The following MOB1B variants were observed in gnomAD, a reference collection of about 807,000 sequenced individuals.
MOB1B encodes the protein MOB1 Mps One Binder homolog B.
In MOB1B, 19 loss-of-function variants were observed where a neutral mutation model predicts 24.4. The ratio of observed to expected loss-of-function variants is 0.78; its 90% CI spans 0.54 to 1.14. The LOEUF (loss-of-function observed/expected upper bound fraction) is 1.14. MOB1B is among the 50% of genes most tolerant of loss of function. The pLI is 0.00. For synonymous variants in MOB1B, 76 were observed against 82.1 expected (o/e 0.93, Z 0.40); for missense variants, 243 against 259.6 (o/e 0.94, Z 0.44).
At chr4:70,935,953 G>A (rs1198243498) in intron 1 of MOB1B, among the ~76,000 whole-genome samples, 4 of 147,170 alleles carry the variant, frequency 2.7e-5, no homozygotes, top group African/African-American at 7.5e-5. Context: ...CCGGGTTCAC[G>A]CCATTCTCCT....
rs1578390471 is a variant in MOB1B at position 70,960,530 on chromosome 4, T to C, written c.181+1490T>C. 3.9e-5 allele frequency among the ~76,000 whole-genome samples: 6 copies of C among 152,322 alleles called. No homozygotes were observed. The East Asian group carries it at 1.2e-3, about 29-fold the overall frequency. On this transcript the variant is annotated intron_variant, in intron 2 of 5. Coordinates refer to ENST00000309395, the MANE Select transcript of MOB1B (RefSeq NM_173468.4). ...TCTTATTATAATTTGAACTATGTCATGGGATTTATAAATTGAGCTGCCCCC... is the reference window on the plus strand; with the variant it reads ...TCTTATTATAATTTGAACTATGTCACGGGATTTATAAATTGAGCTGCCCCC...
At position 70,982,098 on chromosome 4, in the gene MOB1B, G is replaced by C. The variant is rs370437725; in HGVS notation, c.*41G>C. 3.5e-6 allele frequency: 5 copies of C among 1,414,882 alleles called. No individual in the cohort carries two copies. In the African/African-American group the frequency reaches 4.2e-5, roughly 12 times the overall value. 87.6% of individuals were successfully genotyped at this position (1,414,882 alleles called of 1,614,324 possible). A position where few individuals can be genotyped will look rare whatever the true frequency, so the allele number is the denominator to read the frequency against. ...TGCAAATTGTTCCTCAAATGAAGCAGTGTGGAGTGTATTGGGGATTTTGTT... is the reference window on the plus strand; with the variant it reads ...TGCAAATTGTTCCTCAAATGAAGCACTGTGGAGTGTATTGGGGATTTTGTT... On this transcript the variant is annotated 3_prime_UTR_variant, in exon 6 of 6. Transcript: ENST00000309395.
chr4:70,907,583 C>T (rs1415462514), intron 1 of MOB1B, among the ~76,000 whole-genome samples: 1 of 152,154 alleles, frequency 6.6e-6, no homozygotes, highest in Non-Finnish European at 1.5e-5. Context: ...ATAACCCCAG[C>T]ACTTTGGGAG....
rs1191566720 is a variant in MOB1B, at chr4:70,946,061, G to A, written c.15-12813G>A. 2.0e-5 allele frequency among the ~76,000 whole-genome samples: 3 copies of A among 146,356 alleles called. No homozygotes were observed. In the East Asian group the frequency reaches 5.9e-4, roughly 29 times the overall value. ...AATGTCTTTTGCAGGCAAATGCTTT[G>A]GCTAAGCTGGTTTTTGTTTGTTCTT... On this transcript the variant is annotated intron_variant, in intron 1 of 5. Transcript: ENST00000309395.
intron 1 of MOB1B, among the ~76,000 whole-genome samples, chr4:70,932,454 A>G (rs999760438): frequency 1.3e-5 from 2 of 152,176 alleles, no homozygotes; most frequent in Non-Finnish European, 2.9e-5. Context: ...AAATAATAAT[A>G]GTAAATGGGT....
At chr4:70,945,028 T>C (rs1737522055) in intron 1 of MOB1B, among the ~76,000 whole-genome samples, 2 of 152,202 alleles carry the variant, frequency 1.3e-5, no homozygotes, top group African/African-American at 2.4e-5. Context: ...GGAGCTCATA[T>C]CTAGATGTCC....
In MOB1B at chr4:70,969,948, C is replaced by T; in HGVS notation, c.199C>T (p.Gln67Ter). ...CTTTACAGCTGTGGATTTCTTCAAT[C>T]AGATCAACATGCTTTATGGAACTAT... ...VAVNTVDFFNQINMLYGTITD... is the reference protein window; with the variant it reads ...VAVNTVDFFN The change falls in exon 3 of 6, where the codon CAG becomes TAG. Residue 67 changes from glutamine (Q) to a stop codon, truncating the protein, a stop_gained. Coordinates refer to ENST00000309395, the MANE Select transcript of MOB1B (RefSeq NM_173468.4). LOFTEE classifies it high-confidence loss of function. The T allele has an allele frequency of 6.3e-7, 1 of 1,599,496 alleles. No homozygotes were observed. The highest frequency in any genetic ancestry group is 8.5e-7 in the Non-Finnish European group (1 of 1,170,674).
At chr4:70,928,165 A>G (rs1736727975) in intron 1 of MOB1B, among the ~76,000 whole-genome samples, 1 of 151,966 alleles carries the variant, frequency 6.6e-6, no homozygotes, top group Admixed American at 6.6e-5. Context: ...TACTCCACCC[A>G]CTGTCATGTG....
At chr4:70,914,815 G>T (rs192076174) in intron 1 of MOB1B, among the ~76,000 whole-genome samples, 1 of 152,270 alleles carries the variant, frequency 6.6e-6, no homozygotes, top group African/African-American at 2.4e-5. Context: ...CTCTGGCCTG[G>T]GCCCAAGCTG....
At chr4:70,972,297 T>A (rs1246201918) in intron 3 of MOB1B, among the ~76,000 whole-genome samples, 1 of 152,130 alleles carries the variant, frequency 6.6e-6, no homozygotes, top group African/African-American at 2.4e-5. Flanking sequence ...TACTGCAACC[T>A]CTGCATCCTA....
intron 1 of MOB1B, among the ~76,000 whole-genome samples, chr4:70,941,364 C>T (rs571152119): frequency 3.9e-5 from 6 of 152,180 alleles, no homozygotes; most frequent in South Asian, 4.1e-4. Flanking sequence ...TTTTTTGAGA[C>T]GGAGTCTCGC....
At chr4:70,976,575 A>C in intron 4 of MOB1B, 1 of 985,290 alleles carries the variant, frequency 1.0e-6, no homozygotes, top group Non-Finnish European at 1.2e-6. Context: ...TGTCTCAAAA[A>C]GCTAAGAATC....
intron 1 of MOB1B, among the ~76,000 whole-genome samples, chr4:70,914,177 A>G (rs145400166): frequency 6.6e-6 from 1 of 152,308 alleles, no homozygotes; most frequent in South Asian, 2.1e-4. Context: ...CCAGACATCA[A>G]ATCTGCTGGT....
chr4:70,969,984 T>A lies in MOB1B; in HGVS notation c.235T>A (p.Cys79Ser). The A allele has an allele frequency of 6.2e-7, 1 of 1,607,298 alleles. No individual in the cohort carries two copies. Among genetic ancestry groups the A allele is most frequent in the Non-Finnish European group, 8.5e-7 (1 of 1,176,140 alleles). The change falls in exon 3 of 6, where the codon TGT becomes AGT. Residue 79 changes from cysteine to serine, a missense_variant. Coordinates refer to ENST00000309395, the MANE Select transcript of MOB1B (RefSeq NM_173468.4). ...GCTTTATGGAACTATCACAGACTTC[T>A]GTACAGAAGAGAGTTGTCCAGTGAT... ...NMLYGTITDF[C>S]TEESCPVMSA...
intron 3 of MOB1B, among the ~76,000 whole-genome samples, chr4:70,971,813 C>A (rs776231281): frequency 6.6e-6 from 1 of 152,146 alleles, no homozygotes; most frequent in Non-Finnish European, 1.5e-5. Context: ...AGCTGTTTGT[C>A]TCTGCTCCTG....
chr4:70,921,689 A>C (rs901045900), intron 1 of MOB1B, among the ~76,000 whole-genome samples: 1 of 151,824 alleles, frequency 6.6e-6, no homozygotes, highest in Non-Finnish European at 1.5e-5. Context: ...TTGTATTTTT[A>C]GTAGAGATGG....
intron 1 of MOB1B, among the ~76,000 whole-genome samples, chr4:70,928,398 C>T (rs1736739667): frequency 2.0e-5 from 3 of 151,144 alleles, no homozygotes; most frequent in Admixed American, 2.0e-4. Flanking sequence ...CGGGTTCAAG[C>T]GATTCTCCTG....
At chr4:70,949,231 A>G (rs1383167944) in intron 1 of MOB1B, among the ~76,000 whole-genome samples, 1 of 152,194 alleles carries the variant, frequency 6.6e-6, no homozygotes, top group Non-Finnish European at 1.5e-5. Flanking sequence ...CGAGTTAAGG[A>G]TTTCTTACTC....
chr4:70,903,380 G>T (rs1207821000), intron 1 of MOB1B, among the ~76,000 whole-genome samples: 1 of 152,172 alleles, frequency 6.6e-6, no homozygotes, highest in Non-Finnish European at 1.5e-5. Context: ...TGTTCCAGAC[G>T]AGTGGAGGGG....
Sources: gnomAD v4.1 joint callset for allele counts (sites outside exome capture counted in the v4.1 genomes callset) on GRCh38, gnomAD v4.1.1 for gene constraint, MANE v1.5 for transcripts, NCBI Gene and HGNC (gene_info 2026-07-23, HGNC 2026-07-21) for gene names.